Variants in EXOC4 observed in about 807,000 individuals in gnomAD.
EXOC4 encodes exocyst complex component 4.
In EXOC4, 71 loss-of-function variants were observed where a neutral mutation model predicts 107.2. The ratio of observed to expected loss-of-function variants is 0.66; its 90% CI spans 0.55 to 0.81. The LOEUF is 0.81. Among genes scored for constraint, EXOC4 ranks in the 30% least tolerant of loss-of-function variants. The pLI, the probability that EXOC4 is intolerant of heterozygous loss-of-function variation, is 0.00. For synonymous variants in EXOC4, 456 were observed against 441.2 expected (o/e 1.03, Z -0.42); for missense variants, 1,108 against 1,189.6 (o/e 0.93, Z 1.01).
intron 7 of EXOC4, among the ~76,000 whole-genome samples, chr7:133,408,048 T>A (rs1157828856): frequency 6.6e-6 from 1 of 152,018 alleles, no homozygotes; most frequent in Non-Finnish European, 1.5e-5. Context: ...GAGAAGTTAG[T>A]GGTGATGTTG....
At chr7:133,386,949 T>C (rs1489416894) in intron 7 of EXOC4, among the ~76,000 whole-genome samples, 1 of 152,166 alleles carries the variant, frequency 6.6e-6, no homozygotes, top group African/African-American at 2.4e-5. Flanking sequence ...CATTATTTGG[T>C]CTATTTTAAA....
intron 10 of EXOC4, among the ~76,000 whole-genome samples, chr7:133,641,913 A>C (rs1802865548): frequency 6.6e-6 from 1 of 152,198 alleles, no homozygotes; most frequent in African/African-American, 2.4e-5. Flanking sequence ...CTTACTTTGA[A>C]GCTTTTAAGA....
chr7:133,818,255 G>A (rs2151217340), intron 11 of EXOC4, among the ~76,000 whole-genome samples: 1 of 152,200 alleles, frequency 6.6e-6, no homozygotes, highest in African/African-American at 2.4e-5. Context: ...TATTACGTTG[G>A]AATTGAATCC....
chr7:133,342,276 A>C (rs1480345007), intron 5 of EXOC4, among the ~76,000 whole-genome samples: 1 of 152,136 alleles, frequency 6.6e-6, no homozygotes, highest in Admixed American at 6.5e-5. Flanking sequence ...AAAAGACTGT[A>C]TCTTTCCTTC....
chr7:133,268,892 A>G (rs1584763750), intron 1 of EXOC4, among the ~76,000 whole-genome samples: 1 of 152,336 alleles, frequency 6.6e-6, no homozygotes, highest in Admixed American at 6.5e-5. Flanking sequence ...CATGCAAAAT[A>G]TCAGAGCTGT....
intron 7 of EXOC4, among the ~76,000 whole-genome samples, chr7:133,425,167 G>A (rs1797695738): frequency 6.6e-6 from 1 of 152,194 alleles, no homozygotes; most frequent in African/African-American, 2.4e-5. Context: ...ATGTTGGTAG[G>A]GAGTTGCTTT....
intron 7 of EXOC4, among the ~76,000 whole-genome samples, chr7:133,457,271 T>C (rs920753758): frequency 1.3e-5 from 2 of 152,070 alleles, no homozygotes; most frequent in Non-Finnish European, 2.9e-5. Context: ...TATGTTGTGG[T>C]GGTAATGGTT....
intron 11 of EXOC4, among the ~76,000 whole-genome samples, chr7:133,821,984 G>A (rs1209973255): frequency 1.3e-5 from 2 of 152,178 alleles, no homozygotes; most frequent in Non-Finnish European, 1.5e-5. Flanking sequence ...ATAGTTAATG[G>A]TGCTAAAATT....
intron 7 of EXOC4, among the ~76,000 whole-genome samples, chr7:133,459,316 T>C (rs1798535286): frequency 6.6e-6 from 1 of 152,196 alleles, no homozygotes; most frequent in Non-Finnish European, 1.5e-5. Context: ...CCTCATCCCA[T>C]TGGATGTTCT....
intron 7 of EXOC4, among the ~76,000 whole-genome samples, chr7:133,467,153 A>G (rs1446584619): frequency 6.6e-6 from 1 of 151,606 alleles, no homozygotes; most frequent in East Asian, 1.9e-4. Flanking sequence ...TGCATTCTTA[A>G]TTATTGTTTA....
intron 1 of EXOC4, among the ~76,000 whole-genome samples, chr7:133,257,945 G>A (rs1341097746): frequency 6.6e-6 from 1 of 152,170 alleles, no homozygotes; most frequent in Non-Finnish European, 1.5e-5. Flanking sequence ...TTTGAGGTTC[G>A]TGACACAGTT....
chr7:134,090,585 T>C, the EXOC4 span, among the ~76,000 whole-genome samples: 2 of 152,266 alleles, frequency 1.3e-5, no homozygotes, highest in African/African-American at 4.8e-5. Context: ...AGAGAAAGCA[T>C]TTCCTGAGGC....
chr7:133,556,590 G>A (rs926651340), intron 9 of EXOC4, among the ~76,000 whole-genome samples: 7 of 152,154 alleles, frequency 4.6e-5, no homozygotes, highest in Non-Finnish European at 7.3e-5. Context: ...ACCGCGGTAA[G>A]GATGGGATCT....
chr7:133,631,105 G>T (rs1802581694), intron 10 of EXOC4, among the ~76,000 whole-genome samples: 1 of 152,012 alleles, frequency 6.6e-6, no homozygotes, highest in African/African-American at 2.4e-5. Flanking sequence ...CACCTTTTGG[G>T]ATCCAGATAT....
intron 5 of EXOC4, among the ~76,000 whole-genome samples, chr7:133,317,747 T>C (rs1298128010): frequency 3.3e-5 from 5 of 151,974 alleles, no homozygotes. Flanking sequence ...AGTGGCACGA[T>C]TTTGGCTCTC....
chr7:133,586,545 A>T (rs1354334530), intron 9 of EXOC4, among the ~76,000 whole-genome samples: 5 of 152,164 alleles, frequency 3.3e-5, no homozygotes. Context: ...GATTCCAGGA[A>T]TGTCTTTGCT....
chr7:133,625,379 A>G (rs1218733400), intron 9 of EXOC4, among the ~76,000 whole-genome samples: 2 of 152,242 alleles, frequency 1.3e-5, no homozygotes, highest in African/African-American at 4.8e-5. Context: ...CAGAGAATTT[A>G]AATAATTTTA....
intron 17 of EXOC4, among the ~76,000 whole-genome samples, chr7:134,044,389 G>A (rs906740039): frequency 2.0e-5 from 3 of 152,182 alleles, no homozygotes; most frequent in African/African-American, 7.2e-5. Context: ...CCTCTGCTGC[G>A]TCCTGCCTAC....
intron 2 of EXOC4, among the ~76,000 whole-genome samples, chr7:133,276,777 C>A (rs1199865010): frequency 6.6e-6 from 1 of 152,016 alleles, no homozygotes; most frequent in Non-Finnish European, 1.5e-5. Flanking sequence ...CATATGGCAT[C>A]TTCATGTTTT....
Sources: gnomAD v4.1 joint callset for allele counts (sites outside exome capture counted in the v4.1 genomes callset) on GRCh38, gnomAD v4.1.1 for gene constraint, MANE v1.5 for transcripts, NCBI Gene and HGNC (gene_info 2026-07-23, HGNC 2026-07-21) for gene names.